RIGI: variants seen among roughly 807,000 people sequenced by gnomAD.
The protein encoded by RIGI is RNA sensor RIG-I.
the RIGI span, chr9:32,466,516 T>TA: frequency 7.6e-7 from 1 of 1,321,006 alleles, no homozygotes; most frequent in Non-Finnish European, 1.0e-6. Context: ...GGTAAACAAA[T>TA]AGAGGTACTC....
At chr9:32,477,931 A>G in the RIGI span, among the ~76,000 whole-genome samples, 1 of 152,168 alleles carries the variant, frequency 6.6e-6, no homozygotes, top group African/African-American at 2.4e-5. Flanking sequence ...TCTCAAAAAA[A>G]AGGAAAAAGA....
the RIGI span, among the ~76,000 whole-genome samples, chr9:32,468,403 C>T: frequency 3.3e-5 from 5 of 152,282 alleles, no homozygotes; most frequent in African/African-American, 7.2e-5. Flanking sequence ...TGGTGGTTCA[C>T]GCCTATAGTC....
the RIGI span, chr9:32,473,056 T>A: frequency 4.4e-6 from 7 of 1,605,492 alleles, no homozygotes; most frequent in East Asian, 2.2e-5. Flanking sequence ...TCAATCCAAT[T>A]TTTTAAAGCC....
the RIGI span, chr9:32,466,555 C>T: frequency 1.1e-6 from 1 of 928,932 alleles, no homozygotes. Flanking sequence ...TCACTGAATC[C>T]CACTTCCCAG....
the RIGI span, among the ~76,000 whole-genome samples, chr9:32,461,319 A>G: frequency 1.3e-5 from 2 of 152,266 alleles, no homozygotes; most frequent in South Asian, 4.1e-4. Flanking sequence ...TTCTAAACAG[A>G]GGAAATGATA....
At chr9:32,471,256 A>ATAAAC in the RIGI span, among the ~76,000 whole-genome samples, 35 of 152,364 alleles carry the variant, frequency 2.3e-4, 1 homozygote, top group African/African-American at 8.4e-4. Context: ...TGTCTCAAAA[A>ATAAAC]TAAAATAAAA....
At chr9:32,489,396 C>T in the RIGI span, 2 of 1,613,458 alleles carry the variant, frequency 1.2e-6, no homozygotes, top group Admixed American at 1.7e-5. Flanking sequence ...GCAAAGCAAG[C>T]TCTAATTGGT....
chr9:32,488,621 A>C, the RIGI span: 28 of 1,154,274 alleles, frequency 2.4e-5, no homozygotes, highest in Admixed American at 5.7e-4. Context: ...CTGGATTATA[A>C]AAAAGCTGAA....
the RIGI span, chr9:32,485,202 G>T: frequency 8.1e-6 from 13 of 1,606,824 alleles, no homozygotes; most frequent in African/African-American, 1.3e-5. Context: ...CTCTTTGCCA[G>T]ACTCTCTGTG....
At chr9:32,467,925 G>A in the RIGI span, 5 of 1,585,556 alleles carry the variant, frequency 3.2e-6, no homozygotes, top group Non-Finnish European at 3.4e-6. Flanking sequence ...GTGCCGGGAG[G>A]GTCATTCCTG....
chr9:32,498,386 A>G, the RIGI span: 1 of 456,482 alleles, frequency 2.2e-6, no homozygotes. Context: ...TATTCAGCAT[A>G]AATCTCTGTT....
chr9:32,503,991 G>A, the RIGI span, among the ~76,000 whole-genome samples: 4 of 150,100 alleles, frequency 2.7e-5, no homozygotes, highest in African/African-American at 4.9e-5. Context: ...GCCATGAGCC[G>A]AGATCATGCC....
chr9:32,507,301 T>C, the RIGI span, among the ~76,000 whole-genome samples: 1 of 152,216 alleles, frequency 6.6e-6, no homozygotes, highest in Non-Finnish European at 1.5e-5. Context: ...ATAGGATCAC[T>C]TTGGCAAAGC....
chr9:32,470,688 A>C, the RIGI span, among the ~76,000 whole-genome samples: 1 of 152,346 alleles, frequency 6.6e-6, no homozygotes, highest in Middle Eastern at 3.4e-3. Flanking sequence ...TTCATGAAAC[A>C]GGAAATTAAG....
chr9:32,501,057 G>A, the RIGI span: 1 of 1,257,560 alleles, frequency 8.0e-7, no homozygotes, highest in Non-Finnish European at 1.1e-6. Context: ...CCAAGTCACA[G>A]CATTGGAAGA....
At chr9:32,508,258 T>TTTTTTTTTTTTTTA in the RIGI span, among the ~76,000 whole-genome samples, 279 of 137,968 alleles carry the variant, frequency 2.0e-3, 13 homozygotes, top group East Asian at 0.011. Context: ...TTTTTTTTTT[T>TTTTTTTTTTTTTTA]ACTATATGAA....
At chr9:32,483,432 T>G in the RIGI span, among the ~76,000 whole-genome samples, 3 of 152,130 alleles carry the variant, frequency 2.0e-5, no homozygotes, top group African/African-American at 7.2e-5. Context: ...GGATTCGGAC[T>G]GGCAAAAAGG....
the RIGI span, among the ~76,000 whole-genome samples, chr9:32,481,948 T>C: frequency 6.6e-6 from 1 of 152,204 alleles, no homozygotes; most frequent in South Asian, 2.1e-4. Context: ...AGTCATCTAG[T>C]TAAAACTATT....
the RIGI span, among the ~76,000 whole-genome samples, chr9:32,515,745 G>A: frequency 4.9e-4 from 75 of 152,230 alleles, no homozygotes; most frequent in Middle Eastern, 3.4e-3. Flanking sequence ...CTAGTCCTGT[G>A]GGTGGCCCCA....
Sources: allele counts gnomAD v4.1 joint callset (sites outside exome capture counted in the v4.1 genomes callset), GRCh38; gene constraint gnomAD v4.1.1; transcripts MANE v1.5; gene names NCBI Gene and HGNC (gene_info 2026-07-23, HGNC 2026-07-21).